WDR25: variants seen among roughly 807,000 people sequenced by gnomAD.
The protein encoded by WDR25 is WD repeat-containing protein 25.
A neutral mutation model predicts 47.7 loss-of-function variants in WDR25; 35 were observed. The ratio of observed to expected loss-of-function variants is 0.73; its 90% CI spans 0.56 to 0.97. The LOEUF (loss-of-function observed/expected upper bound fraction) is 0.97. WDR25 is among the 50% of genes least tolerant of loss of function. The pLI, the probability that WDR25 is intolerant of heterozygous loss-of-function variation, is 0.00. For missense variants in WDR25, 634 were observed against 704.7 expected (o/e 0.90, Z 1.14); for synonymous variants, 248 against 278.9 (o/e 0.89, Z 1.10).
chr14:100,508,900 AT>A (rs1237415930), intron 4 of WDR25, among the ~76,000 whole-genome samples: 1 of 151,952 alleles, frequency 6.6e-6, no homozygotes, highest in Non-Finnish European at 1.5e-5. Context: ...AATTACATTG[AT>A]TTTTTTTAAA....
intron 2 of WDR25, among the ~76,000 whole-genome samples, chr14:100,452,223 T>C (rs1418031166): frequency 1.3e-5 from 2 of 152,208 alleles, no homozygotes; most frequent in Non-Finnish European, 2.9e-5. Context: ...ATTTATTCTA[T>C]CTATGCCGTC....
intron 2 of WDR25, among the ~76,000 whole-genome samples, chr14:100,427,874 G>C (rs1044533028): frequency 6.6e-6 from 1 of 152,228 alleles, no homozygotes; most frequent in Admixed American, 6.5e-5. Flanking sequence ...GGCTCTCAGT[G>C]TCAGGAGATG....
In WDR25 at chr14:100,390,426, T is replaced by TGTGTGTGC. The variant is rs1413707045; in HGVS notation, c.822+8681_822+8682insTGTGTGCG. On this transcript the variant is annotated intron_variant, in intron 2 of 6. Transcript: ENST00000402312. Reference sequence around the variant, plus strand: ...GTGTGTGTGTGTGTGTGTGTGTGTGTGCATGCACACGCCCTTGTGTGGGGG... The same window carrying TGTGTGTGC: ...GTGTGTGTGTGTGTGTGTGTGTGTGTGTGTGTGCGCATGCACACGCCCTTGTGTGGGGG... Among the ~76,000 whole-genome samples, 582 of 150,558 alleles carry TGTGTGTGC rather than the reference T, an allele frequency of 3.9e-3. 1 individual carries two copies. The highest frequency in any genetic ancestry group is 4.4e-3 in the Admixed American group (67 of 15,122).
At chr14:100,496,446 T>C (rs181958129) in intron 4 of WDR25, among the ~76,000 whole-genome samples, 2 of 152,302 alleles carry the variant, frequency 1.3e-5, no homozygotes, top group African/African-American at 4.8e-5. Flanking sequence ...AAAGAAATAC[T>C]GATTTTCTCT....
At chr14:100,489,061 AGAGG>A (rs1900479036) in intron 4 of WDR25, among the ~76,000 whole-genome samples, 1 of 152,242 alleles carries the variant, frequency 6.6e-6, no homozygotes, top group African/African-American at 2.4e-5. Flanking sequence ...GGATCGACAT[AGAGG>A]GCATGGCCCC....
intron 4 of WDR25, among the ~76,000 whole-genome samples, chr14:100,490,027 G>A (rs1158457306): frequency 6.6e-6 from 1 of 152,132 alleles, no homozygotes; most frequent in Non-Finnish European, 1.5e-5. Flanking sequence ...TTGACTTCCA[G>A]ATCTTGACTT....
chr14:100,530,066 A>T lies in WDR25; in HGVS notation c.*25A>T, dbSNP rs2030416455. On this transcript the variant is annotated 3_prime_UTR_variant, in exon 7 of 7. Transcript: ENST00000402312. The stretch of plus-strand genomic sequence containing the variant: ...AGCTTTTTGTCACTGAACCTTCCCG[A>T]TGCCAGCTGGGCTCTTGGACTCCCC... The T allele has an allele frequency of 2.5e-6, 4 of 1,592,900 alleles. No individual in the cohort carries two copies. Among genetic ancestry groups the T allele is most frequent in the Non-Finnish European group, 1.7e-6 (2 of 1,167,120 alleles).
At position 100,440,110 on chromosome 14, in the gene WDR25, C is replaced by T. The variant is rs1161858394; in HGVS notation, c.823-27911C>T. On this transcript the variant is annotated intron_variant, in intron 2 of 6. Coordinates refer to ENST00000402312, the MANE Select transcript of WDR25 (RefSeq NM_001161476.3). This position sits in a 1 kb window ranked among gnomAD's most constrained non-coding sequence, Gnocchi z 4.4. ...GAGTCACTCTCTGATAAAGATAGAA[C>T]ACTTCATTTAGGCACATTTCAGGAT... Among the ~76,000 whole-genome samples, 2 of 152,228 alleles carry T rather than the reference C, an allele frequency of 1.3e-5. No individual in the cohort carries two copies. Among genetic ancestry groups the T allele is most frequent in the African/African-American group, 4.8e-5 (2 of 41,456 alleles).
Position 100,529,185 on chromosome 14 carries a change from C to T in WDR25, c.1390C>T (p.Arg464Trp), listed in dbSNP as rs1026613641. 8 of 1,613,144 alleles carry T rather than the reference C, an allele frequency of 5.0e-6. No homozygotes were observed. Among genetic ancestry groups the T allele is most frequent in the African/African-American group, 2.7e-5 (2 of 74,928 alleles). The change falls in exon 6 of 7, where the codon CGG becomes TGG. Residue 464 changes from arginine (R) to tryptophan (W), a missense_variant. Arg to Trp is a moderately radical substitution (Grantham distance 101). Transcript: ENST00000402312. The surrounding 1 kb of genome is among the most constrained non-coding windows in gnomAD (Gnocchi z 5.1). Reference protein sequence around the residue: ...STVWPYRMSRRRRYEGHKVEG... With the variant: ...STVWPYRMSRWRRYEGHKVEG... ...TGTGTGGCCCTACCGGATGAGCAGA[C>T]GGCGGCGCTATGAAGGGCACAAGGT...
At chr14:100,395,970 A>ATTTT (rs1897249234) in intron 2 of WDR25, among the ~76,000 whole-genome samples, 1 of 142,330 alleles carries the variant, frequency 7.0e-6, no homozygotes, top group African/African-American at 2.7e-5. Flanking sequence ...CATCTGTGAA[A>ATTTT]TGTTTTTTTT....
intron 3 of WDR25, among the ~76,000 whole-genome samples, chr14:100,472,322 G>C (rs1302777895): frequency 6.6e-6 from 1 of 152,248 alleles, no homozygotes; most frequent in African/African-American, 2.4e-5. Context: ...CTACCTCCCA[G>C]ATCCTGGAGG....
At chr14:100,441,875 G>A (rs1898680769) in intron 2 of WDR25, among the ~76,000 whole-genome samples, 1 of 151,792 alleles carries the variant, frequency 6.6e-6, no homozygotes, top group Non-Finnish European at 1.5e-5. Flanking sequence ...CCAAGCGCTG[G>A]GCTGAAGGCC....
At position 100,523,332 on chromosome 14, in the gene WDR25, G is replaced by A. The variant is rs1034126653; in HGVS notation, c.1102-2538G>A. Among the ~76,000 whole-genome samples, 20 of 152,258 alleles carry A rather than the reference G, an allele frequency of 1.3e-4. 1 individual carries two copies. Among genetic ancestry groups the A allele is most frequent in the African/African-American group, 4.8e-4 (20 of 41,552 alleles). On this transcript the variant is annotated intron_variant, in intron 4 of 6. Coordinates refer to ENST00000402312, the MANE Select transcript of WDR25 (RefSeq NM_001161476.3). The surrounding 1 kb of genome is among the most constrained non-coding windows in gnomAD (Gnocchi z 4.7). ...GCAGGTGGCTGATGTGGGCAGCTAA[G>A]GGAGCACAGGGTTGCGTGTGAGCCC...
rs184119646 is a variant in WDR25, at chr14:100,505,871, G to A, written c.1102-19999G>A. Among the ~76,000 whole-genome samples, 239 of 152,034 alleles carry A rather than the reference G, an allele frequency of 1.6e-3. 4 individuals are homozygous for A. The highest frequency in any genetic ancestry group is 6.8e-3 in the Middle Eastern group (2 of 294). On this transcript the variant is annotated intron_variant, in intron 4 of 6. Coordinates refer to ENST00000402312, the MANE Select transcript of WDR25 (RefSeq NM_001161476.3). The stretch of plus-strand genomic sequence containing the variant: ...TTTTATTTCATTTTCCAGTTGTTTG[G>A]TATTAGTATATAGAAATACTATTAA...
rs1243978798 is a variant in WDR25, at chr14:100,523,944, G to A, written c.1102-1926G>A. 6.6e-6 allele frequency among the ~76,000 whole-genome samples: 1 copy of A among 152,074 alleles called. No homozygotes were observed. Among genetic ancestry groups the A allele is most frequent in the African/African-American group, 2.4e-5 (1 of 41,404 alleles). On this transcript the variant is annotated intron_variant, in intron 4 of 6. Coordinates refer to ENST00000402312, the MANE Select transcript of WDR25 (RefSeq NM_001161476.3). This position sits in a 1 kb window ranked among gnomAD's most constrained non-coding sequence, Gnocchi z 4.7. ...ACAAATGGCTCCTTTGCTCTTTCCT[G>A]GGGCATGAGCAGTTGTGAAGGCGAG...
intron 4 of WDR25, among the ~76,000 whole-genome samples, chr14:100,485,248 A>G (rs1171759891): frequency 6.7e-6 from 1 of 149,602 alleles, no homozygotes; most frequent in Admixed American, 6.6e-5. Context: ...CCCAAAACCC[A>G]CTAGCATCCG....
intron 3 of WDR25, among the ~76,000 whole-genome samples, chr14:100,479,417 A>AT (rs11353115): frequency 1.8e-4 from 27 of 149,406 alleles, no homozygotes; most frequent in South Asian, 6.4e-4. Context: ...AGAAGAGTAC[A>AT]TTTTTTTTTT....
At chr14:100,422,592 GT>G (rs1898056552) in intron 2 of WDR25, among the ~76,000 whole-genome samples, 1 of 152,210 alleles carries the variant, frequency 6.6e-6, no homozygotes. Flanking sequence ...ACCCCTCATG[GT>G]GACTTGACGG....
In WDR25 at chr14:100,381,713, G is replaced by A. The variant is rs749731987; in HGVS notation, c.789G>A (p.Met263Ile). ...GTCCAGTCCTTTCTAAGAGCCACAT[G>A]CTTCTCTCCACTTCTATGGATAAAA... is the stretch of plus-strand genomic sequence containing the variant. ...QWCPVLSKSH[M>I]LLSTSMDKTF... is the part of the protein sequence containing the mutation. Residue 263 changes from methionine (M) to isoleucine (I), a missense_variant, in exon 2 of 7, where the codon ATG (methionine) becomes ATA (isoleucine). Coordinates refer to ENST00000402312, the MANE Select transcript of WDR25 (RefSeq NM_001161476.3). 5.0e-6 allele frequency: 8 copies of A among 1,610,592 alleles called. No individual in the cohort carries two copies. The highest frequency in any genetic ancestry group is 6.8e-6 in the Non-Finnish European group (8 of 1,178,868).
Sources: allele counts gnomAD v4.1 joint callset (sites outside exome capture counted in the v4.1 genomes callset), GRCh38; gene constraint gnomAD v4.1.1; non-coding constraint Gnocchi (gnomAD v3.1); transcripts MANE v1.5; gene names NCBI Gene and HGNC (gene_info 2026-07-23, HGNC 2026-07-21).